MON2: variants seen among roughly 807,000 people sequenced by gnomAD.
The protein encoded by MON2 is MON2 regulator of endosome-to-Golgi trafficking.
A neutral mutation model predicts 208.6 loss-of-function variants in MON2; 84 were observed. The observed-to-expected ratio is 0.40, with a 90% CI of 0.34 to 0.48. The LOEUF (loss-of-function observed/expected upper bound fraction) is 0.48. Ranked by LOEUF, MON2 falls within the 20% of genes least tolerant of loss-of-function variation. The pLI is 0.59. For missense variants in MON2, 1,611 were observed against 2,015.4 expected, an observed-to-expected ratio of 0.80 and a Z score of 3.84; for synonymous variants, 660 against 694.0, an observed-to-expected ratio of 0.95 and a Z score of 0.77.
intron 34 of MON2, among the ~76,000 whole-genome samples, chr12:62,589,916 T>C (rs1036603316): frequency 2.0e-5 from 3 of 152,138 alleles, no homozygotes; most frequent in African/African-American, 4.8e-5. Context: ...TTGAATTATG[T>C]CTCTGGGTCT....
intron 2 of MON2, among the ~76,000 whole-genome samples, chr12:62,492,973 A>T (rs1032794810): frequency 2.0e-5 from 3 of 151,840 alleles, no homozygotes; most frequent in African/African-American, 7.3e-5. Context: ...ACAAGATTCC[A>T]TCTCAGAAAA....
intron 7 of MON2, among the ~76,000 whole-genome samples, chr12:62,506,711 G>A (rs1313904304): frequency 7.1e-6 from 1 of 141,088 alleles, no homozygotes; most frequent in Non-Finnish European, 1.5e-5. Context: ...GGGTAACAGA[G>A]TGAAACTCCA....
Position 62,580,298 on chromosome 12 carries a change from TA to T in MON2, c.4578del (p.Val1527PhefsTer23). 1 of 1,609,674 alleles carries T rather than the reference TA, an allele frequency of 6.2e-7. No individual in the cohort carries two copies. The highest frequency in any genetic ancestry group is 8.5e-7 in the Non-Finnish European group (1 of 1,177,746). On this transcript the variant is annotated frameshift_variant and splice_region_variant, in exon 32 of 35. Coordinates refer to ENST00000393630, the MANE Select transcript of MON2 (RefSeq NM_015026.3). LOFTEE classifies it high-confidence loss of function. ...FQRNENIDVEVVQLISNEILP... is the reference protein window; with the variant it reads ...FQRNENIDVEXVQLISNEILP... ...TTGCATTTGCCTCTTTTGTTTTAGG[TA>T]GTTCAACTTATCAGCAATGAGATAC...
At position 62,598,143 on chromosome 12, in the gene MON2, C is replaced by G. The variant is rs1378342613; in HGVS notation, c.*5394C>G. 2.0e-5 allele frequency: 3 copies of G among 152,138 alleles called. No homozygotes were observed. Among genetic ancestry groups the G allele is most frequent in the African/African-American group, 7.2e-5 (3 of 41,448 alleles). The allele number at this position is 152,138 out of a possible 1,614,324, so 9.4% of individuals were successfully genotyped here. The stretch of plus-strand genomic sequence containing the variant: ...AATCTTATAGTTCTCATATCTGAGT[C>G]TTTCTGGAGTGTATTTGGTGTCTGT... On this transcript the variant is annotated 3_prime_UTR_variant, in exon 35 of 35. Coordinates refer to ENST00000393630, the MANE Select transcript of MON2 (RefSeq NM_015026.3).
intron 1 of MON2, chr12:62,482,231 G>T (rs1325892570): frequency 6.6e-6 from 1 of 152,210 alleles, no homozygotes; most frequent in Admixed American, 6.5e-5. Context: ...TTTAATAATG[G>T]AAGATAGGCT....
intron 2 of MON2, among the ~76,000 whole-genome samples, chr12:62,487,703 C>T (rs766169325): frequency 6.6e-6 from 1 of 151,576 alleles, no homozygotes; most frequent in Non-Finnish European, 1.5e-5. Flanking sequence ...ATTTTCTTAT[C>T]AATAAATGTG....
At chr12:62,556,608 C>T (rs773680721) in intron 25 of MON2, among the ~76,000 whole-genome samples, 3 of 151,738 alleles carry the variant, frequency 2.0e-5, no homozygotes, top group Non-Finnish European at 2.9e-5. Flanking sequence ...GTGTGGAGAG[C>T]CTTATAGTCA....
intron 1 of MON2, among the ~76,000 whole-genome samples, chr12:62,467,940 C>T (rs2068595255): frequency 6.7e-6 from 1 of 150,066 alleles, no homozygotes; most frequent in Non-Finnish European, 1.5e-5. Context: ...AAATCTTAAC[C>T]TCTTTGAGCT....
intron 1 of MON2, among the ~76,000 whole-genome samples, chr12:62,471,363 T>A (rs1396894095): frequency 3.3e-5 from 5 of 152,134 alleles, no homozygotes; most frequent in Non-Finnish European, 5.9e-5. Context: ...TTTGTATTTT[T>A]AATAGAGACG....
At chr12:62,533,986 A>G (rs1339514028) in intron 12 of MON2, among the ~76,000 whole-genome samples, 1 of 152,152 alleles carries the variant, frequency 6.6e-6, no homozygotes, top group East Asian at 1.9e-4. Flanking sequence ...CTTGATTCTC[A>G]GTGTATGTAA....
At chr12:62,533,847 A>G (rs1428292533) in intron 12 of MON2, among the ~76,000 whole-genome samples, 1 of 152,196 alleles carries the variant, frequency 6.6e-6, no homozygotes, top group African/African-American at 2.4e-5. Flanking sequence ...AATTACCATG[A>G]CATCACACTA....
intron 8 of MON2, among the ~76,000 whole-genome samples, chr12:62,520,507 G>A (rs12298863): frequency 6.6e-6 from 1 of 151,876 alleles, no homozygotes; most frequent in Non-Finnish European, 1.5e-5. Flanking sequence ...CTTTTTCAGT[G>A]AAAATGTTAT....
In MON2 at chr12:62,543,150, G is replaced by A; in HGVS notation, c.2418G>A (p.Met806Ile). 4 of 1,576,362 alleles carry A rather than the reference G, an allele frequency of 2.5e-6. No individual in the cohort carries two copies. Among genetic ancestry groups the A allele is most frequent in the African/African-American group, 1.4e-5 (1 of 72,672 alleles). The part of the protein sequence containing the change: ...AKLLETGLVN[M>I]HRIEILWRPL... ...TGTTAGAAACTGGTTTAGTTAATAT[G>A]CACCGAATAGAAATTCTGTGGAGAC... The change falls in exon 20 of 35, where the codon ATG (methionine) becomes ATA (isoleucine). Residue 806 changes from methionine to isoleucine, a missense_variant. Coordinates refer to ENST00000393630, the MANE Select transcript of MON2 (RefSeq NM_015026.3).
At chr12:62,585,124 AC>A (rs201432168) in intron 32 of MON2, among the ~76,000 whole-genome samples, 169 bp from the exon 33 acceptor site, 15,358 of 97,402 alleles carry the variant, frequency 0.16, 2,072 homozygotes, top group African/African-American at 0.21. Flanking sequence ...ACAAAAAAAA[AC>A]AAAAAAAAAA....
intron 33 of MON2, among the ~76,000 whole-genome samples, chr12:62,586,473 A>C (rs572328331): frequency 5.9e-5 from 9 of 152,318 alleles, no homozygotes; most frequent in African/African-American, 1.9e-4. Context: ...TAGCATTTTT[A>C]AATTATTTGC....
At chr12:62,537,348 A>G (rs2073025073) in intron 15 of MON2, 85 bp downstream of exon 15, 6 of 951,986 alleles carry the variant, frequency 6.3e-6, no homozygotes, top group Non-Finnish European at 9.6e-6. Flanking sequence ...AAAATGTGTC[A>G]TACATTTATT....
chr12:62,567,239 T>A (rs2074417654), intron 29 of MON2, among the ~76,000 whole-genome samples: 1 of 152,234 alleles, frequency 6.6e-6, no homozygotes, highest in African/African-American at 2.4e-5. Flanking sequence ...CTCTAAAGAC[T>A]CATCTATCCC....
At chr12:62,583,464 A>G (rs1420386980) in intron 32 of MON2, among the ~76,000 whole-genome samples, 2 of 152,196 alleles carry the variant, frequency 1.3e-5, no homozygotes, top group Non-Finnish European at 2.9e-5. Context: ...AAGAAAATCT[A>G]GGAGAAGGAA....
At chr12:62,592,230 T>C (rs941486679) in intron 34 of MON2, among the ~76,000 whole-genome samples, 7 of 152,220 alleles carry the variant, frequency 4.6e-5, no homozygotes, top group Non-Finnish European at 7.3e-5. Context: ...ATTTTCTAAT[T>C]CTTGAAATGT....
Sources: gnomAD v4.1 joint callset for allele counts (sites outside exome capture counted in the v4.1 genomes callset) on GRCh38, gnomAD v4.1.1 for gene constraint, MANE v1.5 for transcripts, NCBI Gene and HGNC (gene_info 2026-07-23, HGNC 2026-07-21) for gene names.